PPP3CA: variants seen among roughly 807,000 people sequenced by gnomAD.
PPP3CA encodes CAM-PRP catalytic subunit.
A neutral mutation model predicts 66.5 loss-of-function variants in PPP3CA; 14 were observed. That is an observed-to-expected ratio of 0.21 (90% confidence interval 0.14 to 0.33). PPP3CA has a LOEUF of 0.33. Ranked by LOEUF, PPP3CA falls within the 10% of genes least tolerant of loss-of-function variation. The probability of loss-of-function intolerance (pLI) is 1.00; values close to 1 mark genes in which losing one functional copy is unlikely to be tolerated. For synonymous variants in PPP3CA, 232 were observed against 226.2 expected (o/e 1.03, Z -0.23); for missense variants, 317 against 639.5 (o/e 0.50, Z 5.44).
chr4:101,256,445 C>A (rs1398737859), intron 1 of PPP3CA, among the ~76,000 whole-genome samples: 1 of 151,920 alleles, frequency 6.6e-6, no homozygotes, highest in East Asian at 1.9e-4. Context: ...ATGGTAAATA[C>A]CCACCTGCCA....
At chr4:101,277,011 GATAT>G (rs1727517470) in intron 1 of PPP3CA, among the ~76,000 whole-genome samples, 2 of 90,810 alleles carry the variant, frequency 2.2e-5, no homozygotes, top group South Asian at 3.2e-4. Context: ...ATTAGGACCT[GATAT>G]TTTCAGGTCC....
At chr4:101,249,460 T>C (rs935228043) in intron 1 of PPP3CA, among the ~76,000 whole-genome samples, 1 of 152,098 alleles carries the variant, frequency 6.6e-6, no homozygotes, top group Non-Finnish European at 1.5e-5. Context: ...TTTTCACCCA[T>C]TGCAAAAGGA....
At chr4:101,277,323 A>G (rs1053470737) in intron 1 of PPP3CA, among the ~76,000 whole-genome samples, 7 of 152,202 alleles carry the variant, frequency 4.6e-5, no homozygotes, top group African/African-American at 1.7e-4. Context: ...CATCTCGGCT[A>G]TTTGGAAATT....
At chr4:101,280,593 G>A (rs573163801) in intron 1 of PPP3CA, among the ~76,000 whole-genome samples, 15 of 152,266 alleles carry the variant, frequency 9.9e-5, no homozygotes, top group African/African-American at 3.6e-4. Flanking sequence ...GCCGAGGCGG[G>A]TGGATCACCT....
chr4:101,327,226 C>T (rs1280328780), intron 1 of PPP3CA, among the ~76,000 whole-genome samples: 2 of 152,064 alleles, frequency 1.3e-5, no homozygotes, highest in South Asian at 2.1e-4. Context: ...TACTTCTGTC[C>T]AAGACAATTG....
intron 1 of PPP3CA, among the ~76,000 whole-genome samples, chr4:101,275,905 GT>G (rs1346694946): frequency 2.9e-5 from 4 of 140,308 alleles, no homozygotes; most frequent in African/African-American, 5.4e-5. Context: ...TTTGTTTTTT[GT>G]TTTTTTTTGA....
intron 3 of PPP3CA, chr4:101,108,291 T>A (rs1380543329): frequency 6.6e-6 from 1 of 152,214 alleles, no homozygotes; most frequent in Non-Finnish European, 1.5e-5. Flanking sequence ...GTCTCACAAT[T>A]ATAAGGCATA....
At position 101,056,653 on chromosome 4, in the gene PPP3CA, G is replaced by A. The variant is rs193294277; in HGVS notation, c.1156+4434C>T. On this transcript the variant is annotated intron_variant, in intron 10 of 13. Transcript: ENST00000394854. The stretch of plus-strand genomic sequence containing the variant: ...TTAAAATAAGCAACAATTTAAGGAA[G>A]ACTTTTATTTAAGTCTTTGGATGTC... 4.9e-3 allele frequency among the ~76,000 whole-genome samples: 750 copies of A among 152,214 alleles called. 1 individual carries two copies. The highest frequency in any genetic ancestry group is 9.1e-3 in the Non-Finnish European group (618 of 67,998).
intron 8 of PPP3CA, among the ~76,000 whole-genome samples, chr4:101,072,081 G>C (rs1161952475): frequency 6.6e-6 from 1 of 152,148 alleles, no homozygotes; most frequent in African/African-American, 2.4e-5. Flanking sequence ...TCACAGTGGA[G>C]CTGAATAAAC....
intron 1 of PPP3CA, among the ~76,000 whole-genome samples, chr4:101,337,444 A>C (rs1201245349): frequency 6.6e-6 from 1 of 152,204 alleles, no homozygotes; most frequent in Non-Finnish European, 1.5e-5. Flanking sequence ...CCAAAATTTA[A>C]CACATCCGTT....
chr4:101,154,487 T>C (rs1463248021), intron 2 of PPP3CA, among the ~76,000 whole-genome samples: 2 of 152,196 alleles, frequency 1.3e-5, no homozygotes, highest in Non-Finnish European at 2.9e-5. Flanking sequence ...GAAAAAAATC[T>C]AAAGCTATGC....
At chr4:101,299,319 G>A (rs1728302239) in intron 1 of PPP3CA, among the ~76,000 whole-genome samples, 3 of 151,152 alleles carry the variant, frequency 2.0e-5, no homozygotes, top group African/African-American at 7.3e-5. Context: ...TCCTTGTTCT[G>A]AGATCAGTGA....
At chr4:101,085,124 T>C (rs749291042) in intron 6 of PPP3CA, among the ~76,000 whole-genome samples, 2 of 152,254 alleles carry the variant, frequency 1.3e-5, no homozygotes, top group Non-Finnish European at 2.9e-5. Flanking sequence ...TTGGTATATA[T>C]TAGCTATAAA....
intron 2 of PPP3CA, among the ~76,000 whole-genome samples, chr4:101,125,546 T>G (rs977886199): frequency 3.3e-5 from 5 of 152,108 alleles, no homozygotes; most frequent in African/African-American, 1.2e-4. Flanking sequence ...CACTCCCTCC[T>G]ACTGGTAGGA....
chr4:101,132,276 G>A (rs916347600), intron 2 of PPP3CA, among the ~76,000 whole-genome samples: 1 of 151,988 alleles, frequency 6.6e-6, no homozygotes, highest in African/African-American at 2.4e-5. Context: ...AGGACATAGA[G>A]ACACAAAAAA....
intron 11 of PPP3CA, 34 bp downstream of exon 11, chr4:101,040,448 A>G: frequency 6.7e-7 from 1 of 1,488,294 alleles, no homozygotes. Flanking sequence ...ACATAATACA[A>G]TTTGAAACAA....
intron 2 of PPP3CA, among the ~76,000 whole-genome samples, chr4:101,114,037 T>C (rs1267413670): frequency 2.0e-5 from 3 of 152,134 alleles, no homozygotes; most frequent in African/African-American, 7.2e-5. Context: ...TCTCCTGGCT[T>C]CCCATTATTT....
At chr4:101,334,717 C>T (rs1729569830) in intron 1 of PPP3CA, among the ~76,000 whole-genome samples, 1 of 151,942 alleles carries the variant, frequency 6.6e-6, no homozygotes, top group Admixed American at 6.6e-5. Context: ...TTGAAGTCAC[C>T]CCAAATGTGC....
At chr4:101,143,568 C>A (rs1722876183) in intron 2 of PPP3CA, among the ~76,000 whole-genome samples, 1 of 152,168 alleles carries the variant, frequency 6.6e-6, no homozygotes, top group Non-Finnish European at 1.5e-5. Flanking sequence ...ACATATTGCA[C>A]CAGTTACTTC....
Sources: gnomAD v4.1 joint callset for allele counts (sites outside exome capture counted in the v4.1 genomes callset) on GRCh38, gnomAD v4.1.1 for gene constraint, MANE v1.5 for transcripts, NCBI Gene and HGNC (gene_info 2026-07-23, HGNC 2026-07-21) for gene names.